CACNA1D: variants seen among roughly 807,000 people sequenced by gnomAD.
CACNA1D encodes calcium voltage-gated channel subunit alpha1 D.
Under a neutral mutation model 257.1 loss-of-function variants are expected in CACNA1D, and 55 were observed. That is an observed-to-expected ratio of 0.21 (90% CI 0.17 to 0.27). The LOEUF is 0.27. Among genes scored for constraint, CACNA1D ranks in the 10% least tolerant of loss-of-function variants. CACNA1D has a pLI of 1.00. For synonymous variants in CACNA1D, 980 were observed against 1,014.9 expected (o/e 0.97, Z 0.65); for missense variants, 1,876 against 2,784.0 (o/e 0.67, Z 7.34).
At chr3:53,714,347 A>G (rs1340709729) in intron 9 of CACNA1D, among the ~76,000 whole-genome samples, 1 of 152,236 alleles carries the variant, frequency 6.6e-6, no homozygotes, top group East Asian at 1.9e-4. Context: ...GGACAAGGCC[A>G]TCACCTAAAT....
In CACNA1D at chr3:53,754,352, G is replaced by A. The variant is rs2095248583; in HGVS notation, c.3786+670G>A. Among the ~76,000 whole-genome samples, 3 of 152,212 alleles carry A rather than the reference G, an allele frequency of 2.0e-5. No individual in the cohort carries two copies. The South Asian group carries it at 6.2e-4, about 32-fold the overall frequency. ...GCCAGATGAGGGGCAGTGTAGTTCA[G>A]TGTCAAATTGCATAGTTGTGGAACT... On this transcript the variant is annotated intron_variant, in intron 29 of 47. Coordinates refer to ENST00000350061, the MANE Select transcript of CACNA1D (RefSeq NM_001128840.3).
intron 8 of CACNA1D, among the ~76,000 whole-genome samples, chr3:53,684,644 A>AG (rs1491316395): frequency 3.8e-4 from 55 of 145,398 alleles, no homozygotes; most frequent in Non-Finnish European, 6.9e-4. Context: ...AAAAAAAAAA[A>AG]GCATCAAAAT....
At chr3:53,542,652 A>C (rs758603) in intron 3 of CACNA1D, among the ~76,000 whole-genome samples, 120,054 of 152,006 alleles carry the variant, frequency 0.79, 48,336 homozygotes, top group African/African-American at 0.93. Flanking sequence ...GGTTAGATGC[A>C]AGTTAGATAT....
chr3:53,522,105 T>C (rs1388576038), intron 3 of CACNA1D, among the ~76,000 whole-genome samples: 1 of 152,132 alleles, frequency 6.6e-6, no homozygotes, highest in Non-Finnish European at 1.5e-5. Context: ...CACTGCACTC[T>C]AGCCTGAGTG....
chr3:53,771,056 T>C (rs952772000), intron 32 of CACNA1D, among the ~76,000 whole-genome samples: 30 of 152,364 alleles, frequency 2.0e-4, no homozygotes, highest in African/African-American at 7.0e-4. Context: ...TGTTTGGGCA[T>C]ACACCATGTC....
At chr3:53,626,001 C>T (rs1213385387) in intron 3 of CACNA1D, among the ~76,000 whole-genome samples, 1 of 152,128 alleles carries the variant, frequency 6.6e-6, no homozygotes, top group Non-Finnish European at 1.5e-5. Context: ...AAAGGAGAGT[C>T]TTATCTGTAG....
Position 53,811,272 on chromosome 3 carries a change from G to A in CACNA1D, c.6352G>A (p.Asp2118Asn). Residue 2118 changes from aspartate (D) to asparagine (N), a missense_variant, in exon 48 of 48, where the codon GAT becomes AAT. Physicochemically the swap from Asp to Asn is conservative, Grantham distance 23. This residue lies in a region of CACNA1D where 491 missense variants were observed against 554.3 expected (regional missense o/e 0.89). Transcript: ENST00000350061. The surrounding 1 kb of genome is among the most constrained non-coding windows in gnomAD (Gnocchi z 4.2). ...GAACGTGCGTCCCCGAGCCAACGGG[G>A]ATGTGGGCCCCCTCTCACACCGGCA... is the stretch of plus-strand genomic sequence containing the variant. ...NGNVRPRANGDVGPLSHRQDY... is the reference protein window; with the variant it reads ...NGNVRPRANGNVGPLSHRQDY... The A allele has an allele frequency of 6.2e-7, 1 of 1,613,976 alleles. No homozygotes were observed. Among genetic ancestry groups the A allele is most frequent in the South Asian group, 1.1e-5 (1 of 91,086 alleles).
intron 30 of CACNA1D, chr3:53,766,242 G>A (rs2095331270): frequency 6.6e-6 from 1 of 152,178 alleles, no homozygotes; most frequent in Non-Finnish European, 1.5e-5. Context: ...TTCTTTTTCT[G>A]ACCCCACAGT....
intron 15 of CACNA1D, among the ~76,000 whole-genome samples, chr3:53,729,611 TAAAAAC>T (rs941340630): frequency 7.2e-5 from 11 of 152,242 alleles, no homozygotes; most frequent in African/African-American, 2.4e-4. Context: ...GAATACTTGT[TAAAAAC>T]AAAAACATTC....
intron 9 of CACNA1D, among the ~76,000 whole-genome samples, chr3:53,703,795 G>C (rs2094653238): frequency 1.3e-5 from 2 of 152,210 alleles, no homozygotes; most frequent in African/African-American, 2.4e-5. Flanking sequence ...GGGAAACCCA[G>C]AGCTGGAGAG....
rs192042356 is a variant in CACNA1D, at chr3:53,750,427, G to A, written c.3516+958G>A. Among the ~76,000 whole-genome samples, 108 of 152,310 alleles carry A rather than the reference G, an allele frequency of 7.1e-4. 1 individual carries two copies. The highest frequency in any genetic ancestry group is 2.5e-3 in the African/African-American group (104 of 41,566). On this transcript the variant is annotated intron_variant, in intron 27 of 47. Transcript: ENST00000350061. Reference sequence around the variant, plus strand: ...GCATCTCTGTTTTGATGACGACGTCGCAAGCAAGAATGATCTGGTAGCCTA... The same window carrying A: ...GCATCTCTGTTTTGATGACGACGTCACAAGCAAGAATGATCTGGTAGCCTA...
rs376945234 is a variant in CACNA1D, at chr3:53,718,706, G to A, written c.1478+318G>A. 22 of 1,559,354 alleles carry A rather than the reference G, an allele frequency of 1.4e-5. No homozygotes were observed. Among genetic ancestry groups the A allele is most frequent in the African/African-American group, 1.1e-4 (8 of 73,774 alleles). On this transcript the variant is annotated intron_variant, in intron 10 of 47. Transcript: ENST00000350061. ...GGTGCTGGTGGAGACGGAGAGGCGCGGCCAAGGCGGGGCCCTCTGGGTGTC... is the reference window on the plus strand; with the variant it reads ...GGTGCTGGTGGAGACGGAGAGGCGCAGCCAAGGCGGGGCCCTCTGGGTGTC...
intron 3 of CACNA1D, among the ~76,000 whole-genome samples, chr3:53,585,049 G>A (rs1205631602): frequency 6.7e-6 from 1 of 149,378 alleles, no homozygotes; most frequent in Non-Finnish European, 1.5e-5. Flanking sequence ...TTTTTTTAAG[G>A]AAAAGATGTG....
chr3:53,656,435 G>C (rs2094148311), intron 4 of CACNA1D, among the ~76,000 whole-genome samples: 1 of 152,040 alleles, frequency 6.6e-6, no homozygotes, highest in Admixed American at 6.6e-5. Flanking sequence ...CCATTTGTTT[G>C]TGTCATGTCT....
chr3:53,545,293 G>C (rs1307873864), intron 3 of CACNA1D, among the ~76,000 whole-genome samples: 3 of 152,228 alleles, frequency 2.0e-5, no homozygotes, highest in African/African-American at 7.2e-5. Flanking sequence ...ATGGGCCGAT[G>C]ATGATTCCTG....
At chr3:53,625,591 C>T (rs1319960268) in intron 3 of CACNA1D, among the ~76,000 whole-genome samples, 1 of 152,166 alleles carries the variant, frequency 6.6e-6, no homozygotes, top group Admixed American at 6.5e-5. Context: ...ACAAGCATCC[C>T]TTTCCCTACC....
intron 9 of CACNA1D, among the ~76,000 whole-genome samples, chr3:53,712,994 C>T (rs1182566375): frequency 6.6e-6 from 1 of 152,208 alleles, no homozygotes; most frequent in Non-Finnish European, 1.5e-5. Context: ...TGGGGAGCTA[C>T]TGCTTCCTGT....
intron 3 of CACNA1D, among the ~76,000 whole-genome samples, chr3:53,537,516 T>G (rs1160120428): frequency 6.6e-6 from 1 of 151,714 alleles, no homozygotes; most frequent in Non-Finnish European, 1.5e-5. Context: ...ATAATAACTT[T>G]TAAAAAACAT....
intron 3 of CACNA1D, among the ~76,000 whole-genome samples, chr3:53,508,908 T>G (rs1049070346): frequency 5.3e-5 from 8 of 152,092 alleles, no homozygotes; most frequent in African/African-American, 1.9e-4. Flanking sequence ...ATGTGCACTG[T>G]TACTGTTGAG....
Sources: gnomAD v4.1 joint callset for allele counts (sites outside exome capture counted in the v4.1 genomes callset) on GRCh38, gnomAD v4.1.1 for gene constraint, gnomAD v4.1.1 regional missense constraint, Gnocchi (gnomAD v3.1) non-coding constraint, MANE v1.5 for transcripts, NCBI Gene and HGNC (gene_info 2026-07-23, HGNC 2026-07-21) for gene names.